The following RPAP3 variants were observed in gnomAD, a reference collection of about 807,000 sequenced individuals.
The protein encoded by RPAP3 is RNA polymerase II associated protein 3, also known as RNA polymerase II-associated protein 3.
RPAP3 carries 58 observed loss-of-function variants against 88.8 expected under a neutral mutation model. That is an observed-to-expected ratio of 0.65 (90% CI 0.53 to 0.81). The LOEUF is 0.81. Among genes scored for constraint, RPAP3 ranks in the 40% least tolerant of loss-of-function variants. The pLI is 0.00. For synonymous variants in RPAP3, 255 were observed against 259.9 expected (o/e 0.98, Z 0.18); for missense variants, 751 against 764.3 (o/e 0.98, Z 0.20).
At chr12:47,675,728 C>T (rs1939099448) in intron 12 of RPAP3, among the ~76,000 whole-genome samples, 1 of 152,138 alleles carries the variant, frequency 6.6e-6, no homozygotes, top group African/African-American at 2.4e-5. Flanking sequence ...AATACAGGAG[C>T]ACTCAGATTC....
chr12:47,677,288 A>G (rs1324645981), intron 12 of RPAP3, among the ~76,000 whole-genome samples: 1 of 152,192 alleles, frequency 6.6e-6, no homozygotes, highest in African/African-American at 2.4e-5. Context: ...CCAATATCAT[A>G]CTGAATGGGC....
intron 3 of RPAP3, chr12:47,699,958 T>G (rs1041615636): frequency 1.3e-5 from 2 of 151,460 alleles, no homozygotes; most frequent in African/African-American, 4.9e-5. Context: ...GGTCATCTAC[T>G]GAAAGGAAGG....
chr12:47,667,838 G>A lies in RPAP3; in HGVS notation c.1727C>T (p.Ser576Phe). Residue 576 changes from serine (S) to phenylalanine (F), a missense_variant, in exon 15 of 17, where the codon TCT becomes TTT. By Grantham distance (155) the Ser-to-Phe change is radical. Transcript: ENST00000005386. ...TTTCTGAAACAACTTAGGATACAAA[G>A]ATGGTTCAATTTGCTTGAAAAAAAA... is the stretch of plus-strand genomic sequence containing the variant. ...LYQYLKQIEPSLYPKLFQKNL... is the reference protein window; with the variant it reads ...LYQYLKQIEPFLYPKLFQKNL... The A allele has an allele frequency of 3.8e-6, 6 of 1,595,100 alleles. 1 individual carries two copies. The South Asian group carries it at 5.6e-5, about 15-fold the overall frequency.
chr12:47,666,004 A>G (rs566800612), intron 16 of RPAP3, among the ~76,000 whole-genome samples: 122 of 152,224 alleles, frequency 8.0e-4, no homozygotes, highest in Non-Finnish European at 1.5e-3. Context: ...ATTGATTTAA[A>G]ATCATTCAAC....
At position 47,662,365 on chromosome 12, in the gene RPAP3, A is replaced by G. The variant is rs553080737; in HGVS notation, c.*1140T>C. The G allele has an allele frequency of 2.0e-5, 3 of 152,362 alleles. No individual in the cohort carries two copies. The highest frequency in any genetic ancestry group is 1.3e-4 in the Admixed American group (2 of 15,304). The allele number at this position is 152,362 out of a possible 1,614,324, so 9.4% of individuals were successfully genotyped here. A position where few individuals can be genotyped will look rare whatever the true frequency, so the allele number is the denominator to read the frequency against. On this transcript the variant is annotated 3_prime_UTR_variant, in exon 17 of 17. Coordinates refer to ENST00000005386, the MANE Select transcript of RPAP3 (RefSeq NM_024604.3). ...ACTATCCAAATTACAAACATATCTCAATAATTTATACCACAATCTGAAGAA... is the reference window on the plus strand; with the variant it reads ...ACTATCCAAATTACAAACATATCTCGATAATTTATACCACAATCTGAAGAA...
chr12:47,662,993 C>T lies in RPAP3; in HGVS notation c.*512G>A, dbSNP rs73102188. ...CTAGTTTGAAAGTCTAGTTAAAAGT[C>T]TTCTTTCTTTCAACATAAATACTAA... On this transcript the variant is annotated 3_prime_UTR_variant, in exon 17 of 17. Coordinates refer to ENST00000005386, the MANE Select transcript of RPAP3 (RefSeq NM_024604.3). The T allele has an allele frequency of 0.06, 9,180 of 152,304 alleles. 355 individuals are homozygous for T. Among genetic ancestry groups the T allele is most frequent in the Middle Eastern group, 0.12 (34 of 294 alleles). The allele number at this position is 152,304 out of a possible 1,614,324, so 9.4% of individuals were successfully genotyped here.
chr12:47,670,659 G>A (rs1938979798), intron 12 of RPAP3, among the ~76,000 whole-genome samples: 1 of 152,182 alleles, frequency 6.6e-6, no homozygotes, highest in African/African-American at 2.4e-5. Flanking sequence ...CATGAGGGAA[G>A]CCTTCACAGA....
chr12:47,697,702 C>A lies in RPAP3; in HGVS notation c.312G>T (p.Glu104Asp). 3.1e-6 allele frequency: 5 copies of A among 1,602,930 alleles called. No homozygotes were observed. The highest frequency in any genetic ancestry group is 4.3e-6 in the Non-Finnish European group (5 of 1,176,246). ...CATGGGTACTATCGTCTTTGTCAAG[C>A]TCATCAAGGATACGGTCCTAAAATC... The part of the protein sequence containing the change: ...AKLDVDRILD[E>D]LDKDDSTHES... Residue 104 changes from glutamate (E) to aspartate (D), a missense_variant, in exon 4 of 17, where the codon GAG (glutamate) becomes GAT (aspartate). Transcript: ENST00000005386.
intron 10 of RPAP3, among the ~76,000 whole-genome samples, chr12:47,680,559 C>T (rs974638473): frequency 4.0e-5 from 6 of 151,658 alleles, no homozygotes; most frequent in African/African-American, 1.2e-4. Flanking sequence ...AGAACAGAGG[C>T]TGAAAATCAA....
intron 11 of RPAP3, 29 bp from the exon 12 acceptor site, chr12:47,679,623 T>C (rs1320456921): frequency 1.3e-6 from 2 of 1,532,212 alleles, no homozygotes; most frequent in Non-Finnish European, 1.8e-6. Context: ...ACCCTAACTT[T>C]CAAAATATTT....
intron 12 of RPAP3, among the ~76,000 whole-genome samples, chr12:47,676,796 G>C (rs202178882): frequency 6.6e-6 from 1 of 152,064 alleles, no homozygotes; most frequent in African/African-American, 2.4e-5. Flanking sequence ...ATTCACAGCT[G>C]AATTCTACCA....
At chr12:47,684,871 T>C (rs1028155051) in intron 9 of RPAP3, among the ~76,000 whole-genome samples, 2 of 152,144 alleles carry the variant, frequency 1.3e-5, no homozygotes, top group Non-Finnish European at 2.9e-5. Context: ...AAAGAATCTA[T>C]CTCCAGTGAT....
At chr12:47,701,934 C>T (rs1939661688) in intron 2 of RPAP3, among the ~76,000 whole-genome samples, 1 of 152,174 alleles carries the variant, frequency 6.6e-6, no homozygotes, top group Non-Finnish European at 1.5e-5. Flanking sequence ...AGTGCAAAGA[C>T]AAACTGAACT....
chr12:47,690,021 GA>G (rs1301093074), intron 6 of RPAP3, among the ~76,000 whole-genome samples: 1 of 119,148 alleles, frequency 8.4e-6, no homozygotes, highest in African/African-American at 3.3e-5. Flanking sequence ...CAGCCTGGGT[GA>G]AAAAGCAAGA....
intron 10 of RPAP3, among the ~76,000 whole-genome samples, chr12:47,680,486 A>T (rs917300339): frequency 2.8e-4 from 43 of 152,170 alleles, no homozygotes; most frequent in African/African-American, 9.9e-4. Flanking sequence ...CAATAAAAAA[A>T]ACACTGCTGT....
intron 12 of RPAP3, among the ~76,000 whole-genome samples, chr12:47,678,943 T>C (rs1939169054): frequency 6.6e-6 from 1 of 152,172 alleles, no homozygotes. Context: ...TAAAGACACA[T>C]GCACACGTAT....
chr12:47,668,891 G>C, intron 14 of RPAP3, 25 bp downstream of exon 14: 1 of 1,566,708 alleles, frequency 6.4e-7, no homozygotes, highest in Non-Finnish European at 8.8e-7. Flanking sequence ...ACTTACAACA[G>C]AAGTACTACC....
At position 47,666,984 on chromosome 12, in the gene RPAP3, T is replaced by C; in HGVS notation, c.1908A>G (p.Lys636=). 6.6e-7 allele frequency: 1 copy of C among 1,508,168 alleles called. No individual in the cohort carries two copies. Among genetic ancestry groups the C allele is most frequent in the South Asian group, 1.3e-5 (1 of 76,272 alleles). The allele number at this position is 1,508,168 out of a possible 1,614,324, so 93.4% of individuals were successfully genotyped here. ...MAVMFMSETE[K]KIARALFNHI... ...GAAAACTTTCATAGAACTTACTCTTTTTCTCTGTTTCTGACATAAACATCA... is the reference window on the plus strand; with the variant it reads ...GAAAACTTTCATAGAACTTACTCTTCTTCTCTGTTTCTGACATAAACATCA... Residue 636 remains lysine (K), a synonymous_variant, in exon 16 of 17, where the codon AAA becomes AAG. Transcript: ENST00000005386.
intron 1 of RPAP3, 99 bp from the exon 2 acceptor site, chr12:47,702,945 C>A: frequency 4.7e-6 from 4 of 844,458 alleles, no homozygotes; most frequent in Non-Finnish European, 7.0e-6. Context: ...CATAAGTGGC[C>A]AAGATACATG....
Sources: gnomAD v4.1 joint callset for allele counts (sites outside exome capture counted in the v4.1 genomes callset) on GRCh38, gnomAD v4.1.1 for gene constraint, MANE v1.5 for transcripts, NCBI Gene and HGNC (gene_info 2026-07-23, HGNC 2026-07-21) for gene names.